Variants in HMOX2 observed in about 807,000 individuals in gnomAD.
HMOX2 encodes heme oxygenase 2, also known as heme oxygenase (decycling) 2.
In HMOX2, 30 loss-of-function variants were observed where a neutral mutation model predicts 33.7. The ratio of observed to expected loss-of-function variants is 0.89; its 90% CI spans 0.67 to 1.21. The LOEUF is 1.21. Ranked by LOEUF, HMOX2 falls within the 50% of genes most tolerant of loss-of-function variation. HMOX2 has a pLI of 0.00. For missense variants in HMOX2, 403 were observed against 399.1 expected, an observed-to-expected ratio of 1.01 and a Z score of -0.08; for synonymous variants, 155 against 155.0, an observed-to-expected ratio of 1.00 and a Z score of 0.00.
intron 1 of HMOX2, among the ~76,000 whole-genome samples, chr16:4,504,289 G>A (rs570594082): frequency 2.0e-5 from 3 of 151,228 alleles, no homozygotes; most frequent in Admixed American, 1.3e-4. Context: ...GGAACTGTGC[G>A]TTGCTTGCCA....
chr16:4,499,883 A>G (rs2058515351), intron 1 of HMOX2, among the ~76,000 whole-genome samples: 1 of 152,232 alleles, frequency 6.6e-6, no homozygotes, highest in Non-Finnish European at 1.5e-5. Flanking sequence ...GGACCCAATT[A>G]AAAATTTGTA....
chr16:4,501,244 A>C (rs1366154767), intron 1 of HMOX2, among the ~76,000 whole-genome samples: 1 of 152,190 alleles, frequency 6.6e-6, no homozygotes, highest in African/African-American at 2.4e-5. Flanking sequence ...AACAAAAAAC[A>C]AGTATTTATA....
intron 1 of HMOX2, among the ~76,000 whole-genome samples, chr16:4,478,376 T>C (rs541201842): frequency 6.6e-6 from 1 of 152,300 alleles, no homozygotes; most frequent in Admixed American, 6.5e-5. Context: ...GCTGACTCTC[T>C]TCACAGGACA....
chr16:4,490,623 G>T (rs1418013285), intron 1 of HMOX2, among the ~76,000 whole-genome samples: 2 of 152,158 alleles, frequency 1.3e-5, no homozygotes, highest in Admixed American at 6.5e-5. Context: ...TACAAAAAAG[G>T]TCTATTCCCA....
intron 1 of HMOX2, among the ~76,000 whole-genome samples, chr16:4,493,227 AT>A (rs35267109): frequency 6.6e-6 from 1 of 151,342 alleles, no homozygotes; most frequent in Non-Finnish European, 1.5e-5. Context: ...ATTCAAAAAA[AT>A]TTTTTTTTGT....
At position 4,509,493 on chromosome 16, in the gene HMOX2, G is replaced by C. The variant is rs771835435; in HGVS notation, c.778G>C (p.Gly260Arg). 1.2e-6 allele frequency: 2 copies of C among 1,614,202 alleles called. No homozygotes were observed. The highest frequency in any genetic ancestry group is 2.2e-5 in the South Asian group (2 of 91,082). Residue 260 changes from glycine (G) to arginine (R), a missense_variant, in exon 5 of 6, where the codon GGA becomes CGA. Physicochemically the swap from Gly to Arg is moderately radical, Grantham distance 125. Transcript: ENST00000570646. ...EDGFPVHDGK[G>R]DMRKCPFYAA... is the part of the protein sequence containing the mutation. ...TGGGTTCCCTGTACACGATGGGAAA[G>C]GAGACATGCGTAAATGCCCTTTCTA...
At chr16:4,484,578 A>C (rs2058119764) in intron 1 of HMOX2, among the ~76,000 whole-genome samples, 1 of 148,504 alleles carries the variant, frequency 6.7e-6, no homozygotes, top group South Asian at 2.1e-4. Flanking sequence ...CTCCTGCCTC[A>C]GCCTCCCGAG....
chr16:4,481,380 A>C (rs1596442484), intron 1 of HMOX2, among the ~76,000 whole-genome samples: 3 of 151,994 alleles, frequency 2.0e-5, no homozygotes, highest in African/African-American at 7.2e-5. Context: ...AAAATAAAAC[A>C]ATCTGGCATT....
In HMOX2 at chr16:4,508,069, C is replaced by T; in HGVS notation, c.561C>T (p.Tyr187=). The T allele has an allele frequency of 6.2e-7, 1 of 1,614,084 alleles. No homozygotes were observed. The highest frequency in any genetic ancestry group is 8.5e-7 in the Non-Finnish European group (1 of 1,180,022). The change falls in exon 4 of 6, where the codon TAC becomes TAT. Residue 187 remains tyrosine (Y), a synonymous_variant. Transcript: ENST00000570646. ...GCACAGGGGAAGGGACCCAGTTCTA[C>T]CTGTTTGAGAATGTGGACAATGCCC... The part of the protein sequence containing the change: ...LPSTGEGTQF[Y]LFENVDNAQQ...
At chr16:4,483,059 A>AAG (rs2058070505) in intron 1 of HMOX2, among the ~76,000 whole-genome samples, 1 of 151,936 alleles carries the variant, frequency 6.6e-6, no homozygotes, top group African/African-American at 2.4e-5. Flanking sequence ...AGCCAGATGG[A>AAG]AGAGATGTAT....
intron 1 of HMOX2, among the ~76,000 whole-genome samples, chr16:4,478,377 T>C (rs1274869989): frequency 6.6e-6 from 1 of 152,150 alleles, no homozygotes; most frequent in African/African-American, 2.4e-5. Flanking sequence ...CTGACTCTCT[T>C]CACAGGACAG....
intron 1 of HMOX2, among the ~76,000 whole-genome samples, chr16:4,486,382 A>G (rs575799800): frequency 3.9e-5 from 6 of 152,272 alleles, no homozygotes; most frequent in African/African-American, 1.4e-4. Flanking sequence ...TGCTGAGGCC[A>G]CAGCAACTTA....
At chr16:4,476,639 A>G (rs1270100231) in intron 1 of HMOX2, 152 bp downstream of exon 1, 1 of 152,214 alleles carries the variant, frequency 6.6e-6, no homozygotes, top group Non-Finnish European at 1.5e-5. Flanking sequence ...CTGAGGGGAG[A>G]CCCGGCCGGG....
At chr16:4,493,813 C>G (rs1011871890) in intron 1 of HMOX2, among the ~76,000 whole-genome samples, 1 of 152,238 alleles carries the variant, frequency 6.6e-6, no homozygotes, top group East Asian at 1.9e-4. Context: ...CCTGCTATTA[C>G]ACTTGTTGAA....
intron 1 of HMOX2, among the ~76,000 whole-genome samples, chr16:4,488,171 G>A (rs928755276): frequency 6.7e-6 from 1 of 149,912 alleles, no homozygotes. Context: ...ACCTCTCACA[G>A]CCCTGGAGAA....
chr16:4,505,736 T>G, intron 2 of HMOX2, 126 bp downstream of exon 2: 1 of 654,656 alleles, frequency 1.5e-6, no homozygotes, highest in Admixed American at 2.9e-5. Flanking sequence ...GACCCCTGGG[T>G]GCCTGCTTGG....
intron 1 of HMOX2, among the ~76,000 whole-genome samples, chr16:4,479,772 T>C: frequency 1.6e-5 from 2 of 129,024 alleles, no homozygotes; most frequent in Admixed American, 9.4e-5. Flanking sequence ...ACAGTCTTGC[T>C]CTGTCACCCA....
chr16:4,508,205 G>C lies in HMOX2; in HGVS notation c.696+1G>C. On this transcript the variant is annotated splice_donor_variant, in intron 4 of 5. Coordinates refer to ENST00000570646, the MANE Select transcript of HMOX2 (RefSeq NM_002134.4). LOFTEE classifies it high-confidence loss of function. ...CAAGGCTTTTGAGTATAACATGCAG[G>C]TACTATTGGGGGCTGCCAGCTGCTA... 1 of 1,599,726 alleles carries C rather than the reference G, an allele frequency of 6.3e-7. No individual in the cohort carries two copies. Among genetic ancestry groups the C allele is most frequent in the Non-Finnish European group, 8.5e-7 (1 of 1,172,348 alleles).
intron 1 of HMOX2, among the ~76,000 whole-genome samples, chr16:4,494,269 T>C (rs1180243179): frequency 6.8e-6 from 1 of 147,110 alleles, no homozygotes; most frequent in African/African-American, 2.5e-5. Flanking sequence ...TGAGCCGAGA[T>C]AGCACCACTG....
Sources: gnomAD v4.1 joint callset for allele counts (sites outside exome capture counted in the v4.1 genomes callset) on GRCh38, gnomAD v4.1.1 for gene constraint, MANE v1.5 for transcripts, NCBI Gene and HGNC (gene_info 2026-07-23, HGNC 2026-07-21) for gene names.